The following CYBRD1 variants were observed in gnomAD, a reference collection of about 807,000 sequenced individuals.
CYBRD1 encodes plasma membrane ascorbate-dependent reductase CYBRD1.
CYBRD1 carries 14 observed loss-of-function variants against 21.9 expected under a neutral mutation model. The observed-to-expected ratio is 0.64, with a 90% CI of 0.42 to 1.00. CYBRD1 has a LOEUF of 1.00. Ranked by LOEUF, CYBRD1 falls within the 50% of genes least tolerant of loss-of-function variation. The probability of loss-of-function intolerance (pLI) is 0.00; values close to 1 mark genes in which losing one functional copy is unlikely to be tolerated. For missense variants in CYBRD1, 328 were observed against 352.5 expected, an observed-to-expected ratio of 0.93 and a Z score of 0.56; for synonymous variants, 146 against 136.5, an observed-to-expected ratio of 1.07 and a Z score of -0.48.
intron 2 of CYBRD1, among the ~76,000 whole-genome samples, chr2:171,550,134 CA>C (rs1697777556): frequency 6.6e-6 from 1 of 152,070 alleles, no homozygotes; most frequent in African/African-American, 2.4e-5. Context: ...GTTCTTGAGA[CA>C]GAGCTTTGCT....
At chr2:171,541,861 C>CTTTTTTTTTTTTTT in intron 2 of CYBRD1, 68 bp downstream of exon 2, 1 of 612,704 alleles carries the variant, frequency 1.6e-6, no homozygotes, top group Non-Finnish European at 2.3e-6. Context: ...GTTTTCTTTT[C>CTTTTTTTTTTTTTT]TTTTTTTTTT....
intron 1 of CYBRD1, among the ~76,000 whole-genome samples, chr2:171,536,744 C>G (rs933805741): frequency 1.3e-5 from 2 of 152,198 alleles, no homozygotes; most frequent in Admixed American, 6.6e-5. Context: ...CTACTCTTGA[C>G]TTTTAATATC....
At chr2:171,552,112 A>G (rs1292387998) in intron 2 of CYBRD1, among the ~76,000 whole-genome samples, 2 of 152,192 alleles carry the variant, frequency 1.3e-5, no homozygotes, top group Non-Finnish European at 2.9e-5. Context: ...GTGAGCAAGA[A>G]ATATACTTTT....
At position 171,522,877 on chromosome 2, in the gene CYBRD1, G is replaced by T. The variant is rs1697329337; in HGVS notation, c.193+139G>T. 7.2e-7 allele frequency: 1 copy of T among 1,393,334 alleles called. No individual in the cohort carries two copies. Among genetic ancestry groups the T allele is most frequent in the East Asian group, 2.4e-5 (1 of 41,684 alleles). The allele number at this position is 1,393,334 out of a possible 1,614,324, so 86.3% of individuals were successfully genotyped here. A position where few individuals can be genotyped will look rare whatever the true frequency, so the allele number is the denominator to read the frequency against. On this transcript the variant is annotated intron_variant, in intron 1 of 3. Transcript: ENST00000321348. This position sits in a 1 kb window ranked among gnomAD's most constrained non-coding sequence, Gnocchi z 4.3. Reference sequence around the variant, plus strand: ...GGAGGAGTGCGGTGAGGAGCGCGCGGGAAGCCAAGTCGGCTGGGCGGGAGG... The same window carrying T: ...GGAGGAGTGCGGTGAGGAGCGCGCGTGAAGCCAAGTCGGCTGGGCGGGAGG...
intron 3 of CYBRD1, 79 bp from the exon 4 acceptor site, chr2:171,554,445 T>C: frequency 1.4e-6 from 2 of 1,467,996 alleles, no homozygotes; most frequent in South Asian, 2.4e-5. Context: ...AGTGTGCATT[T>C]TGAGCAGATA....
chr2:171,535,225 G>C (rs1205036282), intron 1 of CYBRD1, among the ~76,000 whole-genome samples: 1 of 152,094 alleles, frequency 6.6e-6, no homozygotes, highest in African/African-American at 2.4e-5. Context: ...AACCATAATT[G>C]TATGGGCTCA....
chr2:171,541,440 C>T, intron 1 of CYBRD1, 145 bp from the exon 2 acceptor site: 1 of 747,992 alleles, frequency 1.3e-6, no homozygotes, highest in Non-Finnish European at 2.3e-6. Context: ...CACTGAGAGG[C>T]AGGGGTAACA....
At chr2:171,553,642 A>G (rs1055637461) in intron 3 of CYBRD1, 142 bp downstream of exon 3, 3 of 700,980 alleles carry the variant, frequency 4.3e-6, no homozygotes, top group Non-Finnish European at 6.0e-6. Flanking sequence ...GTTATATCAT[A>G]TAGGTAATAT....
At chr2:171,530,742 C>T (rs1350811828) in intron 1 of CYBRD1, among the ~76,000 whole-genome samples, 2 of 152,178 alleles carry the variant, frequency 1.3e-5, no homozygotes, top group African/African-American at 4.8e-5. Context: ...AAACATTGGG[C>T]TGATCAAACA....
At chr2:171,545,281 C>T (rs1432137186) in intron 2 of CYBRD1, among the ~76,000 whole-genome samples, 1 of 151,962 alleles carries the variant, frequency 6.6e-6, no homozygotes, top group Non-Finnish European at 1.5e-5. Context: ...TTCCTCCTAC[C>T]CCTGTTTGTG....
chr2:171,542,154 G>C (rs574532069), intron 2 of CYBRD1, among the ~76,000 whole-genome samples: 1 of 152,000 alleles, frequency 6.6e-6, no homozygotes, highest in Non-Finnish European at 1.5e-5. Flanking sequence ...GTGAGCCACC[G>C]CGCCCAGTGA....
Position 171,522,576 on chromosome 2 carries a change from G to A in CYBRD1, c.31G>A (p.Ala11Thr). Residue 11 changes from alanine to threonine, a missense_variant, in exon 1 of 4, where the codon GCG becomes ACG. Transcript: ENST00000321348. This position sits in a 1 kb window ranked among gnomAD's most constrained non-coding sequence, Gnocchi z 4.3. ...CATGGAGGGCTACTGGCGCTTCCTG[G>A]CGCTGCTGGGGTCGGCACTGCTCGT... MAMEGYWRFL[A>T]LLGSALLVGF... 6.2e-7 allele frequency: 1 copy of A among 1,609,972 alleles called. No homozygotes were observed. Among genetic ancestry groups the A allele is most frequent in the Non-Finnish European group, 8.5e-7 (1 of 1,178,650 alleles).
rs186452413 is a variant in CYBRD1, at chr2:171,542,792, G to C, written c.402+999G>C. Among the ~76,000 whole-genome samples, 63 of 152,186 alleles carry C rather than the reference G, an allele frequency of 4.1e-4. 1 individual carries two copies. In the East Asian group the frequency reaches 7.6e-3, roughly 18 times the overall value. On this transcript the variant is annotated intron_variant, in intron 2 of 3. Coordinates refer to ENST00000321348, the MANE Select transcript of CYBRD1 (RefSeq NM_024843.4). ...GCTACTTGGGATGATGAGGTGCACA[G>C]CTCCCTTGAGACCAGGAGGCAGAGG...
chr2:171,532,006 T>C (rs1697474018), intron 1 of CYBRD1, among the ~76,000 whole-genome samples: 1 of 152,246 alleles, frequency 6.6e-6, no homozygotes, highest in South Asian at 2.1e-4. Context: ...ATTTTGACTT[T>C]CCAGAGATTT....
At chr2:171,528,689 A>C (rs2105330256) in intron 1 of CYBRD1, among the ~76,000 whole-genome samples, 1 of 152,106 alleles carries the variant, frequency 6.6e-6, no homozygotes, top group Middle Eastern at 3.4e-3. Context: ...TCTTCCCTGA[A>C]CTCCAAATCC....
chr2:171,554,996 C>A lies in CYBRD1; in HGVS notation c.*169C>A. 1 of 703,324 alleles carries A rather than the reference C, an allele frequency of 1.4e-6. No individual in the cohort carries two copies. The highest frequency in any genetic ancestry group is 2.7e-5 in the East Asian group (1 of 36,994). The allele number at this position is 703,324 out of a possible 1,614,324, so 43.6% of individuals were successfully genotyped here. ...TATTGATTGAGGCCTATGAACTGAC[C>A]TGAATTGGAAAGGATGTGATTAATA... On this transcript the variant is annotated 3_prime_UTR_variant, in exon 4 of 4. Transcript: ENST00000321348.
chr2:171,537,579 T>C (rs1697562801), intron 1 of CYBRD1, among the ~76,000 whole-genome samples: 1 of 152,102 alleles, frequency 6.6e-6, no homozygotes. Context: ...AAAAAATAAG[T>C]AAATTTTAAA....
intron 2 of CYBRD1, among the ~76,000 whole-genome samples, chr2:171,544,196 CTATT>C (rs1482707501): frequency 1.3e-5 from 2 of 152,104 alleles, no homozygotes; most frequent in Non-Finnish European, 2.9e-5. Context: ...TGTCTTTTGT[CTATT>C]TAAAAAATGT....
chr2:171,535,669 T>A (rs1697533172), intron 1 of CYBRD1, among the ~76,000 whole-genome samples: 1 of 90,918 alleles, frequency 1.1e-5, no homozygotes, highest in East Asian at 2.5e-4. Flanking sequence ...GACAGAGTCT[T>A]GCTCTGTTGT....
Sources: allele counts gnomAD v4.1 joint callset (sites outside exome capture counted in the v4.1 genomes callset), GRCh38; gene constraint gnomAD v4.1.1; non-coding constraint Gnocchi (gnomAD v3.1); transcripts MANE v1.5; gene names NCBI Gene and HGNC (gene_info 2026-07-23, HGNC 2026-07-21).